RAB10: variants seen among roughly 807,000 people sequenced by gnomAD.
The protein encoded by RAB10 is RAB10, member RAS oncogene family.
RAB10 carries 5 observed loss-of-function variants against 25.7 expected under a neutral mutation model. The observed-to-expected ratio is 0.19, with a 90% confidence interval of 0.10 to 0.41. The LOEUF (loss-of-function observed/expected upper bound fraction) is 0.41, where lower values mean the gene tolerates loss of function less well. Ranked by LOEUF, RAB10 falls within the 10% of genes least tolerant of loss-of-function variation. RAB10 has a pLI of 1.00. For missense variants in RAB10, 103 were observed against 245.8 expected (o/e 0.42, Z 3.89); for synonymous variants, 89 against 86.4 (o/e 1.03, Z -0.16).
chr2:26,057,620 T>TTTCATTCATTAATTCATTCATTCATTCA (rs1666296317), intron 1 of RAB10, among the ~76,000 whole-genome samples: 1 of 149,076 alleles, frequency 6.7e-6, no homozygotes, highest in Non-Finnish European at 1.5e-5. Context: ...GGCAAGTTTC[T>TTTCATTCATTAATTCATTCATTCATTCA]TTCATTCATT....
intron 1 of RAB10, among the ~76,000 whole-genome samples, chr2:26,079,576 G>A (rs748746091): frequency 7.3e-5 from 11 of 151,248 alleles, no homozygotes; most frequent in Non-Finnish European, 4.4e-5. Flanking sequence ...ATGATGCTGA[G>A]GTAGCAGTAA....
chr2:26,073,475 C>G (rs1666670944), intron 1 of RAB10, among the ~76,000 whole-genome samples: 1 of 152,230 alleles, frequency 6.6e-6, no homozygotes, highest in Admixed American at 6.5e-5. Flanking sequence ...CAGCCACTGA[C>G]TATGTTGTAG....
chr2:26,049,255 G>A (rs867890089), intron 1 of RAB10, among the ~76,000 whole-genome samples: 1 of 150,496 alleles, frequency 6.6e-6, no homozygotes, highest in African/African-American at 2.4e-5. Context: ...TAATATGAAG[G>A]CCTTTTCCCC....
In RAB10 at chr2:26,052,491, T is replaced by C. The variant is rs916149554; in HGVS notation, c.127+17756T>C. On this transcript the variant is annotated intron_variant, in intron 1 of 5. Coordinates refer to ENST00000264710, the MANE Select transcript of RAB10 (RefSeq NM_016131.5). ...GCCAATTTTTTTTTTTTTTTTTTTT[T>C]CACTGAGAGAGATTCCAAGCATTAA... 2.4e-3 allele frequency among the ~76,000 whole-genome samples: 292 copies of C among 119,732 alleles called. 1 individual carries two copies. The highest frequency in any genetic ancestry group is 3.7e-3 in the Non-Finnish European group (211 of 56,438). 78.5% of individuals were successfully genotyped at this position (119,732 alleles called of 152,430 possible). A position where few individuals can be genotyped will look rare whatever the true frequency, so the allele number is the denominator to read the frequency against.
At chr2:26,125,737 G>GTT (rs1302767414) in intron 3 of RAB10, among the ~76,000 whole-genome samples, 7 of 152,024 alleles carry the variant, frequency 4.6e-5, no homozygotes, top group African/African-American at 1.7e-4. Context: ...TTGTTGTTAG[G>GTT]AGTTTTAGGT....
At chr2:26,129,613 C>A (rs1667973197) in intron 5 of RAB10, among the ~76,000 whole-genome samples, 1 of 152,000 alleles carries the variant, frequency 6.6e-6, no homozygotes, top group African/African-American at 2.4e-5. Flanking sequence ...AACTAAGGGA[C>A]CTAATTTTTA....
chr2:26,098,498 G>A (rs1246745268), intron 1 of RAB10, 164 bp from the exon 2 acceptor site: 1 of 590,968 alleles, frequency 1.7e-6, no homozygotes. Flanking sequence ...TATTACTCAG[G>A]TTTAAAATTG....
chr2:26,076,983 T>C (rs1225330428), intron 1 of RAB10, among the ~76,000 whole-genome samples: 2 of 146,038 alleles, frequency 1.4e-5, no homozygotes, highest in Non-Finnish European at 3.0e-5. Context: ...AAAATAGCAC[T>C]ATAAAGAGAG....
At chr2:26,077,957 C>T (rs1015817395) in intron 1 of RAB10, among the ~76,000 whole-genome samples, 1 of 151,602 alleles carries the variant, frequency 6.6e-6, no homozygotes, top group African/African-American at 2.4e-5. Context: ...CCAGCCTGGG[C>T]GACAGAACGA....
At chr2:26,083,746 T>C (rs921112785) in intron 1 of RAB10, among the ~76,000 whole-genome samples, 1 of 152,156 alleles carries the variant, frequency 6.6e-6, no homozygotes, top group Non-Finnish European at 1.5e-5. Flanking sequence ...CTCGAACTCC[T>C]GGCCTCAAGT....
intron 1 of RAB10, among the ~76,000 whole-genome samples, chr2:26,085,259 C>T (rs1455071061): frequency 6.6e-6 from 1 of 151,818 alleles, no homozygotes; most frequent in East Asian, 1.9e-4. Flanking sequence ...GAGGCAGAGG[C>T]GGGTGGATCA....
intron 1 of RAB10, among the ~76,000 whole-genome samples, chr2:26,043,295 G>A (rs1665930265): frequency 6.6e-6 from 1 of 152,136 alleles, no homozygotes; most frequent in African/African-American, 2.4e-5. Flanking sequence ...GTTGGCGCAT[G>A]CCTGTAGTAC....
At chr2:26,072,663 C>T (rs1033323333) in intron 1 of RAB10, among the ~76,000 whole-genome samples, 9 of 152,226 alleles carry the variant, frequency 5.9e-5, no homozygotes, top group Middle Eastern at 3.4e-3. Flanking sequence ...CTGTTTGTAG[C>T]TAGATTTTCT....
chr2:26,094,235 T>C (rs1667163915), intron 1 of RAB10, among the ~76,000 whole-genome samples: 1 of 151,922 alleles, frequency 6.6e-6, no homozygotes, highest in Non-Finnish European at 1.5e-5. Flanking sequence ...TCCATTTCAT[T>C]TCATCTCATT....
intron 5 of RAB10, among the ~76,000 whole-genome samples, chr2:26,131,098 G>C (rs1668004909): frequency 6.8e-6 from 1 of 147,036 alleles, no homozygotes; most frequent in Admixed American, 6.9e-5. Flanking sequence ...CAGTGAGATA[G>C]AGCTTTCCTT....
At chr2:26,108,878 T>C (rs1398718937) in intron 2 of RAB10, among the ~76,000 whole-genome samples, 1 of 90,964 alleles carries the variant, frequency 1.1e-5, no homozygotes, top group Non-Finnish European at 2.3e-5. Flanking sequence ...TCTTTTGCTT[T>C]ATATTTATTT....
At chr2:26,048,169 A>T (rs758695987) in intron 1 of RAB10, among the ~76,000 whole-genome samples, 1 of 152,098 alleles carries the variant, frequency 6.6e-6, no homozygotes, top group Non-Finnish European at 1.5e-5. Flanking sequence ...GCTGCTAGGA[A>T]TATTTTGTGT....
chr2:26,037,803 G>GGAGGT (rs1178556822), intron 1 of RAB10, among the ~76,000 whole-genome samples: 1 of 152,178 alleles, frequency 6.6e-6, no homozygotes. Flanking sequence ...CTTCTGCTGT[G>GGAGGT]GAGGTGTGGC....
At chr2:26,098,819 CTT>C (rs1168434667) in intron 2 of RAB10, 97 bp downstream of exon 2, 1 of 1,088,036 alleles carries the variant, frequency 9.2e-7, no homozygotes, top group Non-Finnish European at 1.3e-6. Flanking sequence ...TTCTGTGAGA[CTT>C]TTGTTTTTAA....
Sources: gnomAD v4.1 joint callset for allele counts (sites outside exome capture counted in the v4.1 genomes callset) on GRCh38, gnomAD v4.1.1 for gene constraint, MANE v1.5 for transcripts, NCBI Gene and HGNC (gene_info 2026-07-23, HGNC 2026-07-21) for gene names.